ANO3: variants seen among roughly 807,000 people sequenced by gnomAD.
The protein encoded by ANO3 is anoctamin-3.
In ANO3, 99 loss-of-function variants were observed where a neutral mutation model predicts 144.8. That is an observed-to-expected ratio of 0.68 (90% CI 0.58 to 0.81). The LOEUF (loss-of-function observed/expected upper bound fraction) is 0.81, where lower values mean the gene tolerates loss of function less well. Ranked by LOEUF, ANO3 falls within the 30% of genes least tolerant of loss-of-function variation. ANO3 has a pLI of 0.00. For synonymous variants in ANO3, 414 were observed against 392.6 expected (o/e 1.05, Z -0.64); for missense variants, 905 against 1,202.2 (o/e 0.75, Z 3.66).
chr11:26,244,974 GGTGT>G (rs61543573), intron 1 of ANO3, among the ~76,000 whole-genome samples: 6,922 of 121,510 alleles, frequency 0.057, 190 homozygotes, highest in African/African-American at 0.076. Flanking sequence ...CTGGTCTCCT[GGTGT>G]GTGTGTGTGT....
At chr11:26,408,449 G>A (rs2133982872) in intron 1 of ANO3, among the ~76,000 whole-genome samples, 1 of 151,812 alleles carries the variant, frequency 6.6e-6, no homozygotes, top group Non-Finnish European at 1.5e-5. Context: ...CAGTTAGAAT[G>A]GCAATCATTA....
intron 3 of ANO3, among the ~76,000 whole-genome samples, chr11:26,454,203 A>G (rs1447698919): frequency 1.3e-5 from 2 of 152,236 alleles, no homozygotes; most frequent in Non-Finnish European, 2.9e-5. Flanking sequence ...AAAAGCTAGC[A>G]GAAGGCAAGG....
intron 1 of ANO3, among the ~76,000 whole-genome samples, chr11:26,209,672 T>A (rs761957980): frequency 6.6e-6 from 1 of 152,238 alleles, no homozygotes; most frequent in Non-Finnish European, 1.5e-5. Flanking sequence ...GACTTTTGAA[T>A]GATCACCATT....
intron 1 of ANO3, among the ~76,000 whole-genome samples, chr11:26,265,063 T>G (rs1455252035): frequency 6.6e-6 from 1 of 152,060 alleles, no homozygotes; most frequent in Non-Finnish European, 1.5e-5. Context: ...AAAAGGAGAA[T>G]TGCTTTTCAC....
chr11:26,483,228 T>G (rs1860297975), intron 4 of ANO3, among the ~76,000 whole-genome samples: 1 of 152,090 alleles, frequency 6.6e-6, no homozygotes, highest in Non-Finnish European at 1.5e-5. Context: ...CTCACCAACA[T>G]CTGTTATTTT....
chr11:26,488,216 C>A (rs1371816194), intron 4 of ANO3, among the ~76,000 whole-genome samples: 1 of 152,062 alleles, frequency 6.6e-6, no homozygotes, highest in Non-Finnish European at 1.5e-5. Context: ...AAAAGGTAAA[C>A]AGCATAAAAG....
At chr11:26,256,340 C>T (rs1853056110) in intron 1 of ANO3, among the ~76,000 whole-genome samples, 1 of 152,098 alleles carries the variant, frequency 6.6e-6, no homozygotes, top group African/African-American at 2.4e-5. Flanking sequence ...CCACTGAATA[C>T]TAGGCATTCA....
chr11:26,547,559 T>C lies in ANO3; in HGVS notation c.1289+9T>C. 1 of 1,610,130 alleles carries C rather than the reference T, an allele frequency of 6.2e-7. No homozygotes were observed. On this transcript the variant is annotated intron_variant, in intron 12 of 26. Coordinates refer to ENST00000256737, the MANE Select transcript of ANO3 (RefSeq NM_031418.4). ...AATAATAGTCAAGTAAGGTAGGCTA[T>C]TAAGAGACCTATTAAAAATATTTGG...
chr11:26,271,109 G>A (rs1853430266), intron 1 of ANO3, among the ~76,000 whole-genome samples: 1 of 152,224 alleles, frequency 6.6e-6, no homozygotes, highest in Admixed American at 6.5e-5. Context: ...TTAGTGACAA[G>A]ATTGCCCTTC....
At chr11:26,539,153 C>T (rs1218307548) in intron 10 of ANO3, among the ~76,000 whole-genome samples, 1 of 151,474 alleles carries the variant, frequency 6.6e-6, no homozygotes, top group Non-Finnish European at 1.5e-5. Flanking sequence ...CACACACACA[C>T]ACACACACAC....
intron 1 of ANO3, among the ~76,000 whole-genome samples, chr11:26,190,261 A>G (rs1299574812): frequency 2.0e-5 from 3 of 152,190 alleles, no homozygotes; most frequent in Non-Finnish European, 4.4e-5. Context: ...GAATTTTGGC[A>G]AACTTCTTTA....
intron 4 of ANO3, among the ~76,000 whole-genome samples, chr11:26,494,140 T>C (rs191428858): frequency 1.5e-3 from 232 of 151,958 alleles, no homozygotes; most frequent in African/African-American, 5.5e-3. Flanking sequence ...AGAAATAGTA[T>C]AATCTAAAGA....
intron 1 of ANO3, among the ~76,000 whole-genome samples, chr11:26,315,380 G>A (rs111747030): frequency 0.016 from 2,371 of 152,270 alleles, 27 homozygotes; most frequent in Middle Eastern, 0.044. Flanking sequence ...AAGTTGCTGG[G>A]AGGAGATTTA....
In ANO3 at chr11:26,303,412, G is replaced by A. The variant is rs187588815; in HGVS notation, c.155-6233G>A. 1.3e-3 allele frequency among the ~76,000 whole-genome samples: 192 copies of A among 152,270 alleles called. 2 individuals are homozygous for A. The highest frequency in any genetic ancestry group is 4.3e-3 in the African/African-American group (177 of 41,552). The stretch of plus-strand genomic sequence containing the variant: ...CTTCGCAGCAACAAAGATGCAACTG[G>A]AGGCCATTATCCTGAGCGAACTAAT... On this transcript the variant is annotated intron_variant, in intron 1 of 27. Transcript: ENST00000672621.
chr11:26,417,318 G>A (rs576167006), intron 1 of ANO3, among the ~76,000 whole-genome samples: 3 of 152,192 alleles, frequency 2.0e-5, no homozygotes, highest in East Asian at 1.9e-4. Context: ...GATAAACTGC[G>A]AGACATCTAC....
intron 1 of ANO3, among the ~76,000 whole-genome samples, chr11:26,362,438 C>T (rs1158342346): frequency 1.3e-5 from 2 of 152,112 alleles, no homozygotes; most frequent in African/African-American, 4.8e-5. Context: ...TTTTGTTCCA[C>T]TGAGCAAGTC....
At chr11:26,442,157 G>T (rs773519051) in intron 2 of ANO3, 45 bp downstream of exon 2, 10 of 1,571,660 alleles carry the variant, frequency 6.4e-6, no homozygotes, top group African/African-American at 1.4e-5. Context: ...TAAAAACTAC[G>T]TGTTTTCCAA....
chr11:26,580,262 A>G (rs1161162998), intron 14 of ANO3, among the ~76,000 whole-genome samples: 1 of 152,152 alleles, frequency 6.6e-6, no homozygotes. Flanking sequence ...AAAATATTTT[A>G]TAAAGGGAAT....
At chr11:26,358,915 A>G (rs1430020038) in intron 1 of ANO3, among the ~76,000 whole-genome samples, 3 of 152,170 alleles carry the variant, frequency 2.0e-5, no homozygotes, top group African/African-American at 7.2e-5. Context: ...TCACTTCTAG[A>G]AGTAAAAATT....
Sources: gnomAD v4.1 joint callset for allele counts (sites outside exome capture counted in the v4.1 genomes callset) on GRCh38, gnomAD v4.1.1 for gene constraint, MANE v1.5 for transcripts, NCBI Gene and HGNC (gene_info 2026-07-23, HGNC 2026-07-21) for gene names.